ADAMTS20: variants seen among roughly 807,000 people sequenced by gnomAD.
ADAMTS20 encodes ADAM metallopeptidase with thrombospondin type 1 motif 20, also known as A disintegrin and metalloproteinase with thrombospondin motifs 20.
ADAMTS20 carries 225 observed loss-of-function variants against 260.1 expected under a neutral mutation model. The observed-to-expected ratio is 0.87, with a 90% confidence interval of 0.78 to 0.97. The LOEUF (loss-of-function observed/expected upper bound fraction) is 0.97. Among genes scored for constraint, ADAMTS20 ranks in the 50% least tolerant of loss-of-function variants. The pLI, the probability that ADAMTS20 is intolerant of heterozygous loss-of-function variation, is 0.00. For missense variants in ADAMTS20, 2,400 were observed against 2,337.7 expected (o/e 1.03, Z -0.55); for synonymous variants, 802 against 769.5 (o/e 1.04, Z -0.70).
intron 7 of ADAMTS20, among the ~76,000 whole-genome samples, chr12:43,475,512 A>G (rs1472847322): frequency 6.6e-6 from 1 of 150,640 alleles, no homozygotes; most frequent in East Asian, 2.0e-4. Flanking sequence ...TATGGAACCA[A>G]AAAAGAGCCC....
At chr12:43,393,051 A>G (rs960134722) in intron 29 of ADAMTS20, among the ~76,000 whole-genome samples, 8 of 152,068 alleles carry the variant, frequency 5.3e-5, no homozygotes, top group African/African-American at 1.9e-4. Context: ...TTCTACTTAG[A>G]TATGTCAAAG....
At chr12:43,479,551 A>T (rs1200901140) in intron 7 of ADAMTS20, among the ~76,000 whole-genome samples, 1 of 152,114 alleles carries the variant, frequency 6.6e-6, no homozygotes, top group African/African-American at 2.4e-5. Flanking sequence ...CACATTCATA[A>T]ATATTTAAAT....
chr12:43,510,416 C>G (rs1397853384), intron 3 of ADAMTS20, among the ~76,000 whole-genome samples: 1 of 150,496 alleles, frequency 6.6e-6, no homozygotes, highest in Non-Finnish European at 1.5e-5. Flanking sequence ...GCATATATTA[C>G]TATTTTCTTG....
At chr12:43,547,352 G>C (rs1428033228) in intron 2 of ADAMTS20, among the ~76,000 whole-genome samples, 6 of 152,176 alleles carry the variant, frequency 3.9e-5, no homozygotes, top group Admixed American at 2.0e-4. Flanking sequence ...AGATACTGGA[G>C]GGGGAGGGGG....
At chr12:43,474,284 A>C (rs1453629525) in intron 7 of ADAMTS20, among the ~76,000 whole-genome samples, 2 of 140,178 alleles carry the variant, frequency 1.4e-5, no homozygotes, top group African/African-American at 5.3e-5. Flanking sequence ...CCAAGACTAA[A>C]CCAGGAAGAA....
chr12:43,432,552 A>G, intron 20 of ADAMTS20, 49 bp downstream of exon 20: 1 of 1,604,782 alleles, frequency 6.2e-7, no homozygotes. Context: ...ATAAATACGT[A>G]ATTAGAAAGA....
intron 28 of ADAMTS20, among the ~76,000 whole-genome samples, chr12:43,421,280 T>TAAAA (rs759627288): frequency 2.7e-3 from 72 of 27,020 alleles, no homozygotes; most frequent in African/African-American, 9.1e-3. Flanking sequence ...AGCTTTCATT[T>TAAAA]ACAAAAAAAA....
rs150093381 is a variant in ADAMTS20 at position 43,446,672 on chromosome 12, A to C, written c.2120T>G (p.Ile707Arg). Residue 707 changes from isoleucine (I) to arginine (R), a missense_variant, in exon 15 of 39, where the codon ATA becomes AGA. Transcript: ENST00000389420. ...CDHVLNSSAK[I>R]DKCGVCGGDN... ...CCCACCACACACTCCACATTTGTCTATCTTGGCACTGGAGTTTAACACGTG... is the reference window on the plus strand; with the variant it reads ...CCCACCACACACTCCACATTTGTCTCTCTTGGCACTGGAGTTTAACACGTG... The C allele has an allele frequency of 1.2e-6, 2 of 1,613,436 alleles. No individual in the cohort carries two copies. The highest frequency in any genetic ancestry group is 1.7e-5 in the Admixed American group (1 of 59,926).
chr12:43,487,691 CAG>C (rs1942543908), intron 7 of ADAMTS20, among the ~76,000 whole-genome samples: 1 of 152,092 alleles, frequency 6.6e-6, no homozygotes, highest in Non-Finnish European at 1.5e-5. Context: ...CCTAAACAGA[CAG>C]ATAAATGTTT....
intron 3 of ADAMTS20, among the ~76,000 whole-genome samples, chr12:43,521,584 C>A (rs1473542812): frequency 6.6e-6 from 1 of 152,182 alleles, no homozygotes; most frequent in African/African-American, 2.4e-5. Flanking sequence ...GGCCTCTTAT[C>A]ATTCAAAGCC....
At chr12:43,464,861 C>A (rs1942126470) in intron 9 of ADAMTS20, 129 bp from the exon 10 acceptor site, 1 of 988,414 alleles carries the variant, frequency 1.0e-6, no homozygotes, top group East Asian at 2.7e-5. Context: ...ACTTTAAAAA[C>A]CAACTCACAT....
chr12:43,527,259 G>A (rs2132088), intron 3 of ADAMTS20, among the ~76,000 whole-genome samples: 53,888 of 151,876 alleles, frequency 0.35, 10,090 homozygotes, highest in East Asian at 0.75. Flanking sequence ...TCTACCACAC[G>A]TCTATTCACA....
At chr12:43,408,033 G>C (rs1940951113) in intron 28 of ADAMTS20, among the ~76,000 whole-genome samples, 1 of 152,144 alleles carries the variant, frequency 6.6e-6, no homozygotes, top group Non-Finnish European at 1.5e-5. Context: ...CCAGTAACAT[G>C]AACCTTTACA....
intron 29 of ADAMTS20, among the ~76,000 whole-genome samples, chr12:43,395,137 A>T (rs905631683): frequency 6.6e-6 from 1 of 152,142 alleles, no homozygotes; most frequent in Non-Finnish European, 1.5e-5. Context: ...GAAAAATAGA[A>T]TTTCACTATC....
At position 43,354,161 on chromosome 12, in the gene ADAMTS20, T is replaced by G; in HGVS notation, c.*48A>C. On this transcript the variant is annotated 3_prime_UTR_variant, in exon 39 of 39. Coordinates refer to ENST00000389420, the MANE Select transcript of ADAMTS20 (RefSeq NM_025003.5). ...GAAATGAGCACCAGTTATTTGAATA[T>G]TCCAGAGAATATCCCCTCTTTAGGG... is the stretch of plus-strand genomic sequence containing the variant. 7.4e-7 allele frequency: 1 copy of G among 1,355,468 alleles called. No homozygotes were observed. Among genetic ancestry groups the G allele is most frequent in the Non-Finnish European group, 1.0e-6 (1 of 977,980 alleles). 84.0% of individuals were successfully genotyped at this position (1,355,468 alleles called of 1,614,324 possible).
intron 2 of ADAMTS20, among the ~76,000 whole-genome samples, chr12:43,545,232 A>C (rs543510365): frequency 6.6e-6 from 1 of 152,334 alleles, no homozygotes; most frequent in Middle Eastern, 3.4e-3. Context: ...TACCCTGCAC[A>C]ATGGTGCATA....
chr12:43,471,667 G>A (rs1592086715), intron 7 of ADAMTS20, among the ~76,000 whole-genome samples: 3 of 139,752 alleles, frequency 2.1e-5, no homozygotes, highest in Non-Finnish European at 3.1e-5. Context: ...TCCTCAAGTG[G>A]GTCCCTGACC....
intron 3 of ADAMTS20, among the ~76,000 whole-genome samples, chr12:43,508,661 T>C (rs976551702): frequency 6.6e-6 from 1 of 152,120 alleles, no homozygotes; most frequent in Non-Finnish European, 1.5e-5. Context: ...ATTTATGGGG[T>C]ACATGAGATA....
At chr12:43,380,289 T>G (rs1940321190) in intron 31 of ADAMTS20, among the ~76,000 whole-genome samples, 1 of 152,140 alleles carries the variant, frequency 6.6e-6, no homozygotes, top group Non-Finnish European at 1.5e-5. Flanking sequence ...GGGTACTTCT[T>G]CAATCTGATA....
Sources: gnomAD v4.1 joint callset for allele counts (sites outside exome capture counted in the v4.1 genomes callset) on GRCh38, gnomAD v4.1.1 for gene constraint, MANE v1.5 for transcripts, NCBI Gene and HGNC (gene_info 2026-07-23, HGNC 2026-07-21) for gene names.